The following PARP8 variants were observed in gnomAD, a reference collection of about 807,000 sequenced individuals.
PARP8 encodes the protein poly(ADP-ribose) polymerase family member 8, also known as protein mono-ADP-ribosyltransferase PARP8.
A neutral mutation model predicts 124.1 loss-of-function variants in PARP8; 51 were observed. The observed-to-expected ratio is 0.41, with a 90% confidence interval of 0.33 to 0.52. The LOEUF is 0.52. PARP8 is among the 20% of genes least tolerant of loss of function. The pLI is 0.21. For missense variants in PARP8, 860 were observed against 1,018.9 expected (o/e 0.84, Z 2.12); for synonymous variants, 391 against 361.5 (o/e 1.08, Z -0.93).
intron 2 of PARP8, among the ~76,000 whole-genome samples, chr5:50,701,272 G>A (rs1325230372): frequency 6.6e-6 from 1 of 152,088 alleles, no homozygotes; most frequent in Non-Finnish European, 1.5e-5. Context: ...TTCTGGTAGT[G>A]GCTATAAGGA....
intron 2 of PARP8, among the ~76,000 whole-genome samples, chr5:50,741,372 T>C (rs1758024746): frequency 6.6e-6 from 1 of 152,230 alleles, no homozygotes; most frequent in African/African-American, 2.4e-5. Flanking sequence ...TATTTAAATA[T>C]GTTGTTGTCT....
intron 3 of PARP8, among the ~76,000 whole-genome samples, chr5:50,759,243 C>T (rs1347681202): frequency 6.6e-6 from 1 of 151,798 alleles, no homozygotes; most frequent in East Asian, 1.9e-4. Flanking sequence ...TTTTTTATTG[C>T]AACAAATGCT....
chr5:50,719,066 A>C (rs1328307296), intron 2 of PARP8, among the ~76,000 whole-genome samples: 1 of 151,942 alleles, frequency 6.6e-6, no homozygotes, highest in Non-Finnish European at 1.5e-5. Context: ...ATTATTAAGG[A>C]TGTTGAGCAT....
Position 50,834,970 on chromosome 5 carries a change from G to C in PARP8, c.2417G>C (p.Trp806Ser). ...SSDLHKHGEIWVVPNTDHVCT... is the reference protein window; with the variant it reads ...SSDLHKHGEISVVPNTDHVCT... ...GACCTGCACAAACATGGAGAGATATGGGTTGTCCCCAATACTGACCATGTC... is the reference window on the plus strand; with the variant it reads ...GACCTGCACAAACATGGAGAGATATCGGTTGTCCCCAATACTGACCATGTC... Residue 806 changes from tryptophan (W) to serine (S), a missense_variant, in exon 25 of 26, where the codon TGG becomes TCG. Transcript: ENST00000281631. The C allele has an allele frequency of 6.2e-7, 1 of 1,613,464 alleles. No homozygotes were observed. The highest frequency in any genetic ancestry group is 8.5e-7 in the Non-Finnish European group (1 of 1,179,682).
chr5:50,844,110 C>T lies in PARP8; in HGVS notation c.*2042C>T, dbSNP rs1288269536. Reference sequence around the variant, plus strand: ...GTAACTCGTAAGACTCAAGAAAGACCGTTTAAGGAAAATTGGCATAATACA... The same window carrying T: ...GTAACTCGTAAGACTCAAGAAAGACTGTTTAAGGAAAATTGGCATAATACA... On this transcript the variant is annotated 3_prime_UTR_variant, in exon 26 of 26. Coordinates refer to ENST00000281631, the MANE Select transcript of PARP8 (RefSeq NM_024615.4). The T allele has an allele frequency of 1.3e-5, 2 of 151,850 alleles. No homozygotes were observed. Among genetic ancestry groups the T allele is most frequent in the South Asian group, 2.1e-4 (1 of 4,826 alleles). 9.4% of individuals were successfully genotyped at this position (151,850 alleles called of 1,614,324 possible). A position where few individuals can be genotyped will look rare whatever the true frequency, so the allele number is the denominator to read the frequency against.
chr5:50,829,473 A>G (rs1746709438), intron 21 of PARP8, among the ~76,000 whole-genome samples: 1 of 152,192 alleles, frequency 6.6e-6, no homozygotes, highest in Non-Finnish European at 1.5e-5. Context: ...AACCTGAAAA[A>G]TGTAACAGGA....
chr5:50,778,241 G>A (rs2149609819), intron 8 of PARP8, 112 bp downstream of exon 8: 3 of 787,046 alleles, frequency 3.8e-6, no homozygotes, highest in South Asian at 3.9e-5. Flanking sequence ...GTTACATATT[G>A]ACTGTTAAGG....
intron 8 of PARP8, 62 bp downstream of exon 8, chr5:50,778,191 G>T: frequency 7.9e-7 from 1 of 1,263,006 alleles, no homozygotes; most frequent in Non-Finnish European, 1.1e-6. Flanking sequence ...TTTATTTTTG[G>T]GGGAAATTTA....
intron 16 of PARP8, 97 bp downstream of exon 16, chr5:50,821,435 A>T: frequency 7.5e-7 from 1 of 1,340,692 alleles, no homozygotes; most frequent in Non-Finnish European, 1.0e-6. Flanking sequence ...TTTCTATCTA[A>T]ATCTCTATCT....
Position 50,761,785 on chromosome 5 carries a change from G to T in PARP8, c.346-36G>T. 2.3e-6 allele frequency: 3 copies of T among 1,310,000 alleles called. No homozygotes were observed. In the South Asian group the frequency reaches 3.9e-5, roughly 17 times the overall value. The allele number at this position is 1,310,000 out of a possible 1,614,324, so 81.1% of individuals were successfully genotyped here. On this transcript the variant is annotated intron_variant, in intron 5 of 25. Coordinates refer to ENST00000281631, the MANE Select transcript of PARP8 (RefSeq NM_024615.4). ...CTATTTTAGAAAGGTAAAATAATTT[G>T]ACCATTAAATTGTTTTCTTACTTTA...
chr5:50,829,831 C>A, intron 21 of PARP8, 61 bp from the exon 22 acceptor site: 2 of 1,463,734 alleles, frequency 1.4e-6, no homozygotes, highest in Admixed American at 2.1e-5. Context: ...ATTGCTTTGT[C>A]AAATATTATC....
chr5:50,772,629 C>T (rs1761739334), intron 7 of PARP8, among the ~76,000 whole-genome samples: 1 of 152,106 alleles, frequency 6.6e-6, no homozygotes, highest in African/African-American at 2.4e-5. Context: ...TTTCATGTAC[C>T]TGTTGGCCAT....
intron 2 of PARP8, among the ~76,000 whole-genome samples, chr5:50,712,644 C>T (rs1303747016): frequency 4.6e-5 from 7 of 152,040 alleles, no homozygotes; most frequent in Non-Finnish European, 1.0e-4. Flanking sequence ...AGTCCCTGTC[C>T]TGAAGGCATT....
chr5:50,832,529 T>C (rs1747097744), intron 22 of PARP8, among the ~76,000 whole-genome samples: 1 of 152,206 alleles, frequency 6.6e-6, no homozygotes, highest in African/African-American at 2.4e-5. Context: ...TTTAAGAATT[T>C]TTAAATTATA....
In PARP8 at chr5:50,670,289, A is replaced by G. The variant is rs571198644; in HGVS notation, c.146+2164A>G. Among the ~76,000 whole-genome samples, 3 of 152,300 alleles carry G rather than the reference A, an allele frequency of 2.0e-5. No individual in the cohort carries two copies. In the East Asian group the frequency reaches 5.8e-4, roughly 29 times the overall value. On this transcript the variant is annotated intron_variant, in intron 2 of 25. Transcript: ENST00000281631. The stretch of plus-strand genomic sequence containing the variant: ...TGGGAGCCTTATGGAGAGAGAGTAT[A>G]TGATTATCTCTATTTGTATTTAACT...
intron 14 of PARP8, among the ~76,000 whole-genome samples, chr5:50,813,801 C>T (rs912647105): frequency 2.0e-4 from 31 of 151,734 alleles, no homozygotes; most frequent in Non-Finnish European, 3.8e-4. Flanking sequence ...TGTTATAGTC[C>T]CTGGAATGTG....
chr5:50,721,902 T>C (rs1755928123), intron 2 of PARP8, among the ~76,000 whole-genome samples: 1 of 152,104 alleles, frequency 6.6e-6, no homozygotes, highest in Non-Finnish European at 1.5e-5. Context: ...GTAATTCTTA[T>C]AAGATACTCT....
intron 2 of PARP8, among the ~76,000 whole-genome samples, chr5:50,679,770 G>A (rs1188903370): frequency 3.9e-5 from 6 of 152,170 alleles, no homozygotes; most frequent in Non-Finnish European, 7.3e-5. Context: ...AAATGTCATG[G>A]CTTCCCCCTG....
intron 2 of PARP8, among the ~76,000 whole-genome samples, chr5:50,712,692 G>T (rs1006284008): frequency 1.3e-5 from 2 of 152,064 alleles, no homozygotes; most frequent in African/African-American, 4.8e-5. Context: ...AAACATTATA[G>T]TATAATGTCA....
Sources: gnomAD v4.1 joint callset for allele counts (sites outside exome capture counted in the v4.1 genomes callset) on GRCh38, gnomAD v4.1.1 for gene constraint, MANE v1.5 for transcripts, NCBI Gene and HGNC (gene_info 2026-07-23, HGNC 2026-07-21) for gene names.